SLIT1: variants seen among roughly 807,000 people sequenced by gnomAD.
SLIT1 encodes the protein slit homolog 1 protein.
Under a neutral mutation model 186.1 loss-of-function variants are expected in SLIT1, and 66 were observed. The observed-to-expected ratio is 0.35, with a 90% CI of 0.29 to 0.44. The LOEUF is 0.44. SLIT1 is among the 20% of genes least tolerant of loss of function. The pLI, the probability that SLIT1 is intolerant of heterozygous loss-of-function variation, is 1.00. For synonymous variants in SLIT1, 761 were observed against 833.8 expected (o/e 0.91, Z 1.50); for missense variants, 1,638 against 2,037.4 (o/e 0.80, Z 3.77).
chr10:97,148,725 T>A (rs1415845313), intron 4 of SLIT1, among the ~76,000 whole-genome samples: 1 of 152,256 alleles, frequency 6.6e-6, no homozygotes, highest in Non-Finnish European at 1.5e-5. Flanking sequence ...ATTTTCATAA[T>A]TTTTATTTTA....
At position 97,068,961 on chromosome 10, in the gene SLIT1, T is replaced by C. The variant is rs538600683; in HGVS notation, c.414-2875A>G. Among the ~76,000 whole-genome samples, 116 of 152,350 alleles carry C rather than the reference T, an allele frequency of 7.6e-4. No individual in the cohort carries two copies. The highest frequency in any genetic ancestry group is 2.7e-3 in the African/African-American group (114 of 41,582). On this transcript the variant is annotated intron_variant, in intron 4 of 36. Transcript: ENST00000266058. The surrounding 1 kb of genome is among the most constrained non-coding windows in gnomAD (Gnocchi z 4.2). Reference sequence around the variant, plus strand: ...TCCTTGTTATCATCTCTTCCTTGCCTAGAGAGTTCCTTGGCTGCCACATCC... The same window carrying C: ...TCCTTGTTATCATCTCTTCCTTGCCCAGAGAGTTCCTTGGCTGCCACATCC...
chr10:97,056,250 C>T (rs984931560), intron 13 of SLIT1, 71 bp downstream of exon 13: 3 of 1,541,650 alleles, frequency 1.9e-6, no homozygotes, highest in Non-Finnish European at 2.7e-6. Context: ...AGCTGCCTGT[C>T]CCTGGAGGCT....
At chr10:97,050,900 C>A (rs545423327) in intron 13 of SLIT1, among the ~76,000 whole-genome samples, 2 of 152,024 alleles carry the variant, frequency 1.3e-5, no homozygotes, top group South Asian at 2.1e-4. Context: ...GGCTTCTGTA[C>A]AAACTTTAGT....
At chr10:97,038,212 T>G (rs1215331047) in intron 21 of SLIT1, among the ~76,000 whole-genome samples, 1 of 152,014 alleles carries the variant, frequency 6.6e-6, no homozygotes, top group Non-Finnish European at 1.5e-5. Flanking sequence ...CCCAACCAGT[T>G]CCCCCTCATT....
At chr10:97,180,561 A>G (rs1451493722) in intron 1 of SLIT1, among the ~76,000 whole-genome samples, 2 of 152,240 alleles carry the variant, frequency 1.3e-5, no homozygotes, top group African/African-American at 4.8e-5. Context: ...TATCTGTTGA[A>G]TGAGGGAATT....
chr10:97,180,713 G>A (rs138590661), intron 1 of SLIT1, among the ~76,000 whole-genome samples: 76 of 152,314 alleles, frequency 5.0e-4, no homozygotes, highest in African/African-American at 1.7e-3. Context: ...CATCCCAAGG[G>A]AAAGGGGCAG....
At chr10:97,034,416 A>T in intron 23 of SLIT1, 55 bp downstream of exon 23, 1 of 1,233,624 alleles carries the variant, frequency 8.1e-7, no homozygotes, top group Non-Finnish European at 1.2e-6. Flanking sequence ...GGGGCTAGGG[A>T]ATGACTCACA....
chr10:97,150,240 C>T lies in SLIT1; in HGVS notation c.413+7578G>A, dbSNP rs952316627. The stretch of plus-strand genomic sequence containing the variant: ...GCAGTTCTGCTGCCTGGCATGGATG[C>T]GTCACAATAGCGAGGTCACCTTCTT... On this transcript the variant is annotated intron_variant, in intron 4 of 36. Transcript: ENST00000266058. 2.0e-5 allele frequency among the ~76,000 whole-genome samples: 3 copies of T among 152,248 alleles called. No individual in the cohort carries two copies. The East Asian group carries it at 5.8e-4, about 29-fold the overall frequency.
chr10:97,170,377 C>T (rs941578733), intron 1 of SLIT1, among the ~76,000 whole-genome samples: 3 of 152,260 alleles, frequency 2.0e-5, no homozygotes, highest in Non-Finnish European at 4.4e-5. Flanking sequence ...GCACACAATT[C>T]GTGCTCTCTA....
chr10:97,038,729 G>C (rs910045086), intron 21 of SLIT1, among the ~76,000 whole-genome samples: 2 of 152,106 alleles, frequency 1.3e-5, no homozygotes, highest in African/African-American at 4.8e-5. Flanking sequence ...CAAAGCCCCA[G>C]AGAGGAGCAA....
intron 4 of SLIT1, among the ~76,000 whole-genome samples, chr10:97,085,042 G>C (rs1186155639): frequency 6.7e-6 from 1 of 150,320 alleles, no homozygotes; most frequent in Non-Finnish European, 1.5e-5. Flanking sequence ...TCCTGCCTCA[G>C]CCTCCCAAGT....
rs773364677 is a variant in SLIT1, at chr10:97,014,054, C to G, written c.3074G>C (p.Gly1025Ala). The G allele has an allele frequency of 6.2e-7, 1 of 1,613,648 alleles. No individual in the cohort carries two copies. Among genetic ancestry groups the G allele is most frequent in the Non-Finnish European group, 8.5e-7 (1 of 1,179,964 alleles). Residue 1025 changes from glycine to alanine, a missense_variant, in exon 29 of 37, where the codon GGC (glycine) becomes GCC (alanine). This residue lies in a region of SLIT1 where 1,245 missense variants were observed against 1,535.3 expected (regional missense o/e 0.81). Coordinates refer to ENST00000266058, the MANE Select transcript of SLIT1 (RefSeq NM_003061.3). ...ANGGVCVDGV[G>A]NYTCQCPLQY... ...CAGGGGGCACTGGCAGGTGTAGTTG[C>G]CCACACCATCCACACAGACGCCCCC...
intron 1 of SLIT1, among the ~76,000 whole-genome samples, chr10:97,171,750 C>T (rs1378528211): frequency 2.0e-5 from 3 of 151,564 alleles, no homozygotes; most frequent in Non-Finnish European, 2.9e-5. Context: ...ACCCAGGAGC[C>T]GGAGGTTGCA....
At chr10:97,166,557 A>AGGAAGGAAGGAAGGAAAGAGAGAGAG (rs1283710320) in intron 1 of SLIT1, among the ~76,000 whole-genome samples, 20 of 55,206 alleles carry the variant, frequency 3.6e-4, no homozygotes, top group African/African-American at 1.4e-3. Context: ...GAAGGAAGGA[A>AGGAAGGAAGGAAGGAAAGAGAGAGAG]AGAGAGAGAG....
chr10:97,144,652 C>T (rs563533638), intron 4 of SLIT1, among the ~76,000 whole-genome samples: 1 of 152,272 alleles, frequency 6.6e-6, no homozygotes, highest in African/African-American at 2.4e-5. Flanking sequence ...AGGGAGGTGA[C>T]CTGCAGGCTC....
In SLIT1 at chr10:97,031,688, A is replaced by G. The variant is rs746334323; in HGVS notation, c.2439-11T>C. 20 of 1,548,904 alleles carry G rather than the reference A, an allele frequency of 1.3e-5. No individual in the cohort carries two copies. Among genetic ancestry groups the G allele is most frequent in the Non-Finnish European group, 1.7e-5 (20 of 1,145,454 alleles). On this transcript the variant is annotated splice_polypyrimidine_tract_variant and intron_variant, in intron 23 of 36. Transcript: ENST00000266058. ...TTGTAGCTGAGGATCCTGCGGAGGAAGGAGATGGAGGAAGGGCACTGTGTT... is the reference window on the plus strand; with the variant it reads ...TTGTAGCTGAGGATCCTGCGGAGGAGGGAGATGGAGGAAGGGCACTGTGTT...
chr10:97,127,727 C>T (rs1849617258), intron 4 of SLIT1, among the ~76,000 whole-genome samples: 1 of 152,160 alleles, frequency 6.6e-6, no homozygotes, highest in Admixed American at 6.5e-5. Flanking sequence ...GGGAGGACTC[C>T]AGCAAAGTAA....
chr10:97,005,644 G>A (rs1475579822), intron 32 of SLIT1, among the ~76,000 whole-genome samples: 1 of 152,272 alleles, frequency 6.6e-6, no homozygotes, highest in Non-Finnish European at 1.5e-5. Context: ...CCAAGGATGT[G>A]CCCGAGGCAA....
rs1298556723 is a variant in SLIT1 at position 97,068,796 on chromosome 10, G to A, written c.414-2710C>T. 2.0e-5 allele frequency among the ~76,000 whole-genome samples: 3 copies of A among 152,112 alleles called. No homozygotes were observed. The highest frequency in any genetic ancestry group is 7.2e-5 in the African/African-American group (3 of 41,382). On this transcript the variant is annotated intron_variant, in intron 4 of 36. Coordinates refer to ENST00000266058, the MANE Select transcript of SLIT1 (RefSeq NM_003061.3). The surrounding 1 kb of genome is among the most constrained non-coding windows in gnomAD (Gnocchi z 4.2). ...CCAGTGTAGTCTGTCAGTATTCCTGGAGACATTCCCCAGATTCCGCCCATT... is the reference window on the plus strand; with the variant it reads ...CCAGTGTAGTCTGTCAGTATTCCTGAAGACATTCCCCAGATTCCGCCCATT...
Sources: gnomAD v4.1 joint callset for allele counts (sites outside exome capture counted in the v4.1 genomes callset) on GRCh38, gnomAD v4.1.1 for gene constraint, gnomAD v4.1.1 regional missense constraint, Gnocchi (gnomAD v3.1) non-coding constraint, MANE v1.5 for transcripts, NCBI Gene and HGNC (gene_info 2026-07-23, HGNC 2026-07-21) for gene names.